The following CPT1A variants were observed in gnomAD, a reference collection of about 807,000 sequenced individuals.
CPT1A encodes carnitine O-palmitoyltransferase 1, liver isoform.
Under a neutral mutation model 100.8 loss-of-function variants are expected in CPT1A, and 64 were observed. That is an observed-to-expected ratio of 0.63 (90% CI 0.52 to 0.78). The LOEUF (loss-of-function observed/expected upper bound fraction) is 0.78, where lower values mean the gene tolerates loss of function less well. Among genes scored for constraint, CPT1A ranks in the 30% least tolerant of loss-of-function variants. The pLI, the probability that CPT1A is intolerant of heterozygous loss-of-function variation, is 0.00. For synonymous variants in CPT1A, 363 were observed against 396.0 expected (o/e 0.92, Z 0.99); for missense variants, 802 against 1,034.1 (o/e 0.78, Z 3.08).
intron 2 of CPT1A, 126 bp from the exon 3 acceptor site, chr11:68,812,702 C>T (rs1334397824): frequency 2.7e-6 from 3 of 1,094,850 alleles, no homozygotes; most frequent in Admixed American, 2.0e-5. Flanking sequence ...GGACAGCGTG[C>T]GTGCACTGAG....
chr11:68,835,878 T>C (rs11228377), intron 1 of CPT1A, among the ~76,000 whole-genome samples: 75,835 of 152,078 alleles, frequency 0.5, 19,856 homozygotes, highest in Admixed American at 0.64. Context: ...GTATGCAGGA[T>C]GCCCTTACCT....
rs1255541330 is a variant in CPT1A at position 68,773,842 on chromosome 11, C to T, written c.1576-413G>A. On this transcript the variant is annotated intron_variant, in intron 13 of 18. Coordinates refer to ENST00000265641, the MANE Select transcript of CPT1A (RefSeq NM_001876.4). ...TCCCGATAAGATCTCAAGCGTTGGG[C>T]GAGTGGGCTGAAGCATGCGCACTGA... The T allele has an allele frequency of 1.3e-5, 4 of 300,676 alleles. No individual in the cohort carries two copies. The East Asian group carries it at 2.5e-4, about 19-fold the overall frequency. 18.6% of individuals were successfully genotyped at this position (300,676 alleles called of 1,614,324 possible).
Position 68,804,014 on chromosome 11 carries a change from C to T in CPT1A, c.541G>A (p.Asp181Asn). The change falls in exon 5 of 19, where the codon GAC becomes AAC. Residue 181 changes from aspartate to asparagine, a missense_variant. Asp to Asn is a conservative substitution (Grantham distance 23). This residue lies in a region of CPT1A where 627 missense variants were observed against 799.3 expected (regional missense o/e 0.78). Coordinates refer to ENST00000265641, the MANE Select transcript of CPT1A (RefSeq NM_001876.4). ...GCCACACCTACCCTGTTCACAGTGT[C>T]TTTGACAGCCGGGACCGGCAGGCGA... is the stretch of plus-strand genomic sequence containing the variant. ...LPRLPVPAVK[D>N]TVNRYLQSVR... The T allele has an allele frequency of 6.2e-7, 1 of 1,613,858 alleles. No individual in the cohort carries two copies.
chr11:68,783,115 C>T (rs1855360125), intron 10 of CPT1A, among the ~76,000 whole-genome samples: 1 of 152,160 alleles, frequency 6.6e-6, no homozygotes, highest in Non-Finnish European at 1.5e-5. Context: ...CGAACAACGC[C>T]GGCTTGCCCG....
At chr11:68,754,750 A>T (rs1233201293), downstream of CPT1A, 1 of 775,134 alleles carries the variant, frequency 1.3e-6, no homozygotes, top group East Asian at 2.4e-5. Flanking sequence ...CCAGCACATG[A>T]ACTTGGTGAT....
At chr11:68,839,979 T>C (rs997739598) in intron 1 of CPT1A, among the ~76,000 whole-genome samples, 10 of 152,224 alleles carry the variant, frequency 6.6e-5, no homozygotes, top group African/African-American at 2.4e-4. Context: ...TGAAACAAAG[T>C]GTGTGCACTC....
intron 1 of CPT1A, among the ~76,000 whole-genome samples, chr11:68,822,724 A>AT (rs1856617928): frequency 6.6e-6 from 1 of 152,224 alleles, no homozygotes; most frequent in Non-Finnish European, 1.5e-5. Context: ...AATGTGGTCC[A>AT]TCCATACTGT....
intron 3 of CPT1A, among the ~76,000 whole-genome samples, chr11:68,811,803 CAT>C (rs1856217556): frequency 6.6e-6 from 1 of 151,962 alleles, no homozygotes; most frequent in Admixed American, 6.6e-5. Flanking sequence ...GTGCAATAAA[CAT>C]GTGCTATCAA....
intron 9 of CPT1A, chr11:68,785,821 T>G: frequency 1.8e-6 from 1 of 559,600 alleles, no homozygotes; most frequent in South Asian, 2.3e-5. Context: ...GATAATTGTT[T>G]CTGAGAACCC....
chr11:68,758,294 A>C (rs1444805662), intron 18 of CPT1A, among the ~76,000 whole-genome samples: 1 of 152,152 alleles, frequency 6.6e-6, no homozygotes, highest in Non-Finnish European at 1.5e-5. Context: ...AAACAACAAA[A>C]GAAAACCGCA....
chr11:68,785,623 A>C (rs1855441447), intron 9 of CPT1A: 1 of 156,336 alleles, frequency 6.4e-6, no homozygotes, highest in Non-Finnish European at 1.4e-5. Flanking sequence ...AAAAAAAAAA[A>C]CAAATTACCC....
rs1202589506 is a variant in CPT1A at position 68,841,852 on chromosome 11, G to A, written c.-91C>T. 1.0e-6 allele frequency: 1 copy of A among 994,354 alleles called. No homozygotes were observed. The highest frequency in any genetic ancestry group is 1.2e-6 in the Non-Finnish European group (1 of 837,946). 61.6% of individuals were successfully genotyped at this position (994,354 alleles called of 1,614,324 possible). A position where few individuals can be genotyped will look rare whatever the true frequency, so the allele number is the denominator to read the frequency against. ...CGGCGGTGGAGTGAACGAGCGGCGA[G>A]CGGGAGCCGGGGAAGGAGGGCCGCG... On this transcript the variant is annotated 5_prime_UTR_variant, in exon 1 of 19. Transcript: ENST00000265641. The surrounding 1 kb of genome is among the most constrained non-coding windows in gnomAD (Gnocchi z 6.3).
chr11:68,827,787 G>A lies in CPT1A; in HGVS notation c.-13-12300C>T, dbSNP rs568405259. Among the ~76,000 whole-genome samples the A allele has an allele frequency of 3.3e-5, 5 of 152,242 alleles. No individual in the cohort carries two copies. The East Asian group carries it at 9.6e-4, about 29-fold the overall frequency. On this transcript the variant is annotated intron_variant, in intron 1 of 18. Transcript: ENST00000265641. ...AAGTGCATACAGTGCCACCATACACGTGCGAGGCACACACAAATGCTGCCT... is the reference window on the plus strand; with the variant it reads ...AAGTGCATACAGTGCCACCATACACATGCGAGGCACACACAAATGCTGCCT...
chr11:68,803,036 C>T (rs1228881870), intron 5 of CPT1A, among the ~76,000 whole-genome samples: 1 of 152,178 alleles, frequency 6.6e-6, no homozygotes. Context: ...AGCACCCTGT[C>T]CTCAGACCGG....
At chr11:68,802,605 G>A (rs1855932844) in intron 5 of CPT1A, among the ~76,000 whole-genome samples, 1 of 151,952 alleles carries the variant, frequency 6.6e-6, no homozygotes, top group Non-Finnish European at 1.5e-5. Flanking sequence ...GTGGTGGCAG[G>A]GGCCTGTAGT....
chr11:68,791,190 T>C (rs1171118411), intron 9 of CPT1A, among the ~76,000 whole-genome samples: 1 of 152,036 alleles, frequency 6.6e-6, no homozygotes, highest in Non-Finnish European at 1.5e-5. Flanking sequence ...GTAGGCCGCA[T>C]GTCTCAAACT....
At chr11:68,833,510 A>G (rs1359164659) in intron 1 of CPT1A, among the ~76,000 whole-genome samples, 1 of 152,264 alleles carries the variant, frequency 6.6e-6, no homozygotes, top group South Asian at 2.1e-4. Context: ...TAATCCCAGC[A>G]CTTTGGGAGG....
chr11:68,763,855 C>T (rs1389135313), intron 14 of CPT1A, among the ~76,000 whole-genome samples: 2 of 152,166 alleles, frequency 1.3e-5, no homozygotes, highest in African/African-American at 4.8e-5. Context: ...AGAATCACAG[C>T]AGCTGGAGAG....
chr11:68,842,076 G>T, upstream of CPT1A: 1 of 581,702 alleles, frequency 1.7e-6, no homozygotes, highest in Non-Finnish European at 2.2e-6. Context: ...GCCGGAATGG[G>T]GTCTAGGACG....
Sources: allele counts gnomAD v4.1 joint callset (sites outside exome capture counted in the v4.1 genomes callset), GRCh38; gene constraint gnomAD v4.1.1; regional missense constraint gnomAD v4.1.1; non-coding constraint Gnocchi (gnomAD v3.1); transcripts MANE v1.5; gene names NCBI Gene and HGNC (gene_info 2026-07-23, HGNC 2026-07-21).